The following ULK4 variants were observed in gnomAD, a reference collection of about 807,000 sequenced individuals.
ULK4 encodes the protein unc-51 like kinase 4, also known as inactive serine/threonine-protein kinase ULK4.
Under a neutral mutation model 160.6 loss-of-function variants are expected in ULK4, and 133 were observed. That is an observed-to-expected ratio of 0.83 (90% CI 0.72 to 0.96). The LOEUF (loss-of-function observed/expected upper bound fraction) is 0.96, where lower values mean the gene tolerates loss of function less well. Ranked by LOEUF, ULK4 falls within the 40% of genes least tolerant of loss-of-function variation. ULK4 has a pLI of 0.00. For missense variants in ULK4, 1,580 were observed against 1,499.5 expected, an observed-to-expected ratio of 1.05 and a Z score of -0.89; for synonymous variants, 534 against 539.8, an observed-to-expected ratio of 0.99 and a Z score of 0.15.
intron 18 of ULK4, among the ~76,000 whole-genome samples, chr3:41,822,576 C>A (rs1310276718): frequency 1.3e-5 from 2 of 152,012 alleles, no homozygotes; most frequent in Non-Finnish European, 2.9e-5. Context: ...AGCCACCACA[C>A]CCGGCTAATT....
chr3:41,867,341 CAG>C (rs770486479), intron 17 of ULK4, among the ~76,000 whole-genome samples: 9 of 152,282 alleles, frequency 5.9e-5, no homozygotes, highest in Non-Finnish European at 1.2e-4. Context: ...TCAAAATCTA[CAG>C]AGTGAGAAAC....
chr3:41,808,379 G>A (rs1260954944), intron 19 of ULK4, among the ~76,000 whole-genome samples: 2 of 152,080 alleles, frequency 1.3e-5, no homozygotes, highest in African/African-American at 4.8e-5. Context: ...GGTTGGAAAG[G>A]GGCCATGTGT....
intron 17 of ULK4, among the ~76,000 whole-genome samples, chr3:41,853,455 C>T (rs927219384): frequency 3.3e-5 from 5 of 152,158 alleles, no homozygotes; most frequent in African/African-American, 1.2e-4. Flanking sequence ...ACAGAACAGA[C>T]TCCTCATGGC....
At chr3:41,902,497 G>A (rs1215184238) in intron 12 of ULK4, among the ~76,000 whole-genome samples, 1 of 150,086 alleles carries the variant, frequency 6.7e-6, no homozygotes, top group Non-Finnish European at 1.5e-5. Flanking sequence ...AGAATCGCTT[G>A]AACCTGGGAG....
chr3:41,386,627 T>A (rs966572473), intron 35 of ULK4, among the ~76,000 whole-genome samples: 1 of 152,164 alleles, frequency 6.6e-6, no homozygotes, highest in African/African-American at 2.4e-5. Flanking sequence ...AGAGCCAAAC[T>A]TAGTTCACAT....
intron 12 of ULK4, among the ~76,000 whole-genome samples, chr3:41,902,142 A>G (rs988836220): frequency 2.0e-5 from 3 of 152,206 alleles, no homozygotes; most frequent in Non-Finnish European, 4.4e-5. Context: ...AAAATAGAAA[A>G]GTAAATCAGT....
chr3:41,379,814 A>C (rs1179336249), intron 35 of ULK4, among the ~76,000 whole-genome samples: 3 of 152,222 alleles, frequency 2.0e-5, no homozygotes, highest in Non-Finnish European at 4.4e-5. Context: ...CAAATTCTTA[A>C]GAAGAAACTA....
At chr3:41,738,708 T>G (rs1171728438) in intron 22 of ULK4, among the ~76,000 whole-genome samples, 2 of 151,984 alleles carry the variant, frequency 1.3e-5, no homozygotes, top group African/African-American at 2.4e-5. Context: ...AACAAGTTAT[T>G]GCACCTTCTG....
intron 30 of ULK4, among the ~76,000 whole-genome samples, chr3:41,634,946 G>A (rs2033889529): frequency 6.6e-6 from 1 of 152,140 alleles, no homozygotes; most frequent in Non-Finnish European, 1.5e-5. Flanking sequence ...GAATCTCAGG[G>A]CATATCAACA....
At chr3:41,377,348 G>A (rs1354118543) in intron 35 of ULK4, among the ~76,000 whole-genome samples, 2 of 151,704 alleles carry the variant, frequency 1.3e-5, no homozygotes, top group Non-Finnish European at 2.9e-5. Flanking sequence ...AAAAGCAATG[G>A]CAACAAAAGA....
At chr3:41,488,945 G>A (rs9311276) in intron 32 of ULK4, among the ~76,000 whole-genome samples, 62,193 of 151,814 alleles carry the variant, frequency 0.41, 12,917 homozygotes, top group African/African-American at 0.43. Flanking sequence ...GCAGGTCTCG[G>A]AGTAAGAGAA....
At chr3:41,811,703 C>A (rs2040824083) in intron 19 of ULK4, among the ~76,000 whole-genome samples, 1 of 152,088 alleles carries the variant, frequency 6.6e-6, no homozygotes, top group African/African-American at 2.4e-5. Flanking sequence ...TAGGTTAGAA[C>A]ACATTGGGTT....
chr3:41,853,585 A>G (rs2042266075), intron 17 of ULK4, among the ~76,000 whole-genome samples: 1 of 152,178 alleles, frequency 6.6e-6, no homozygotes, highest in South Asian at 2.1e-4. Context: ...GTTTTTCTCG[A>G]GCAGCTAAAT....
intron 34 of ULK4, among the ~76,000 whole-genome samples, chr3:41,434,925 G>T (rs2082999648): frequency 1.3e-5 from 2 of 152,186 alleles, no homozygotes; most frequent in Non-Finnish European, 2.9e-5. Context: ...GTTAAACACT[G>T]AATTTTCTGT....
chr3:41,769,783 G>C (rs906099892), intron 21 of ULK4, among the ~76,000 whole-genome samples: 1 of 152,090 alleles, frequency 6.6e-6, no homozygotes, highest in African/African-American at 2.4e-5. Flanking sequence ...ACATCATAAA[G>C]GCAAATATTA....
intron 29 of ULK4, among the ~76,000 whole-genome samples, chr3:41,672,885 G>A (rs2035584969): frequency 6.6e-6 from 1 of 152,074 alleles, no homozygotes; most frequent in Admixed American, 6.6e-5. Context: ...CACCGAGGCT[G>A]GAGTACAGTG....
intron 18 of ULK4, among the ~76,000 whole-genome samples, chr3:41,820,401 T>C (rs2041106897): frequency 1.3e-5 from 2 of 152,042 alleles, no homozygotes; most frequent in African/African-American, 4.8e-5. Context: ...AGCAAAAACA[T>C]GGAATCAACT....
chr3:41,856,512 A>AATATATATAT (rs376773321), intron 17 of ULK4, among the ~76,000 whole-genome samples: 26 of 99,170 alleles, frequency 2.6e-4, no homozygotes, highest in Admixed American at 4.8e-4. Flanking sequence ...TAAATAAATA[A>AATATATATAT]ATATATATAT....
intron 35 of ULK4, among the ~76,000 whole-genome samples, chr3:41,327,652 C>G (rs1239604313): frequency 1.3e-5 from 2 of 152,144 alleles, no homozygotes. Context: ...TAACTATACA[C>G]CTATGAAGCA....
Sources: gnomAD v4.1 joint callset for allele counts (sites outside exome capture counted in the v4.1 genomes callset) on GRCh38, gnomAD v4.1.1 for gene constraint, MANE v1.5 for transcripts, NCBI Gene and HGNC (gene_info 2026-07-23, HGNC 2026-07-21) for gene names.